Variants in USH2A observed in about 807,000 individuals in gnomAD.
USH2A encodes the protein Usher syndrome 2A (autosomal recessive, mild).
USH2A carries 443 observed loss-of-function variants against 538.9 expected under a neutral mutation model. The ratio of observed to expected loss-of-function variants is 0.82; its 90% CI spans 0.76 to 0.89. USH2A has a LOEUF of 0.89. USH2A is among the 40% of genes least tolerant of loss of function. USH2A has a pLI of 0.00. For missense variants in USH2A, 6,633 were observed against 6,324.8 expected (o/e 1.05, Z -1.65); for synonymous variants, 2,413 against 2,273.5 (o/e 1.06, Z -1.75).
At chr1:215,984,020 G>A (rs1022657770) in intron 35 of USH2A, among the ~76,000 whole-genome samples, 1 of 152,166 alleles carries the variant, frequency 6.6e-6, no homozygotes. Flanking sequence ...GGGAGAATGA[G>A]TTCTGAGACT....
intron 25 of USH2A, among the ~76,000 whole-genome samples, chr1:216,083,796 T>C (rs2032026554): frequency 6.6e-6 from 1 of 152,152 alleles, no homozygotes; most frequent in Non-Finnish European, 1.5e-5. Flanking sequence ...TATATTATAC[T>C]TTTTAACAGG....
intron 60 of USH2A, among the ~76,000 whole-genome samples, chr1:215,732,371 A>G (rs1660022019): frequency 6.6e-6 from 1 of 152,072 alleles, no homozygotes; most frequent in Admixed American, 6.6e-5. Flanking sequence ...GCTGATTCTC[A>G]AAAGGACTCA....
At chr1:215,743,358 AG>A in intron 58 of USH2A, 23 bp from the exon 59 acceptor site, 1 of 1,465,394 alleles carries the variant, frequency 6.8e-7, no homozygotes, top group Non-Finnish European at 9.3e-7. Flanking sequence ...AGAGAGAGAG[AG>A]AACATTAAAA....
chr1:216,066,811 T>A (rs757445393), intron 30 of USH2A, among the ~76,000 whole-genome samples: 8 of 152,136 alleles, frequency 5.3e-5, no homozygotes, highest in Non-Finnish European at 1.0e-4. Context: ...AATATCACTC[T>A]CCCATTTCAT....
intron 9 of USH2A, among the ~76,000 whole-genome samples, chr1:216,312,439 G>T (rs1224584284): frequency 2.0e-5 from 3 of 151,474 alleles, no homozygotes; most frequent in Non-Finnish European, 2.9e-5. Flanking sequence ...TTACATTTTT[G>T]GTAGCTGTCT....
chr1:216,331,941 T>C (rs1558041578), intron 4 of USH2A, among the ~76,000 whole-genome samples: 1 of 152,116 alleles, frequency 6.6e-6, no homozygotes, highest in African/African-American at 2.4e-5. Context: ...TTGAGAACTC[T>C]GGAAATAAAG....
rs564607288 is a variant in USH2A, at chr1:215,944,460, G to A, written c.7121-9665C>T. Among the ~76,000 whole-genome samples, 6 of 152,208 alleles carry A rather than the reference G, an allele frequency of 3.9e-5. No homozygotes were observed. In the East Asian group the frequency reaches 7.7e-4, roughly 20 times the overall value. ...TTTTTTAAAGAGTGGAACAAAGCACGTGGAAAGAATATTTTGTTGATATAG... is the reference window on the plus strand; with the variant it reads ...TTTTTTAAAGAGTGGAACAAAGCACATGGAAAGAATATTTTGTTGATATAG... On this transcript the variant is annotated intron_variant, in intron 37 of 71. Transcript: ENST00000307340.
intron 57 of USH2A, 121 bp from the exon 58 acceptor site, chr1:215,758,873 C>A: frequency 9.3e-7 from 1 of 1,071,820 alleles, no homozygotes. Flanking sequence ...AACTCTTTGC[C>A]CCCTTTCCAG....
At chr1:215,926,077 A>G (rs1366073569) in intron 38 of USH2A, among the ~76,000 whole-genome samples, 1 of 152,172 alleles carries the variant, frequency 6.6e-6, no homozygotes, top group Non-Finnish European at 1.5e-5. Flanking sequence ...TCTCAGTGCT[A>G]CAATGCATGA....
intron 11 of USH2A, among the ~76,000 whole-genome samples, chr1:216,272,558 G>A (rs1164634984): frequency 2.0e-5 from 3 of 151,586 alleles, no homozygotes; most frequent in East Asian, 1.9e-4. Context: ...CAGTCTTCTG[G>A]GTAAGAAAAC....
intron 21 of USH2A, among the ~76,000 whole-genome samples, chr1:216,121,382 A>C (rs2033136192): frequency 6.7e-6 from 1 of 149,812 alleles, no homozygotes; most frequent in African/African-American, 2.4e-5. Flanking sequence ...AAATAAAATC[A>C]CCTTGATTTA....
chr1:215,748,460 C>T (rs986827213), intron 58 of USH2A, among the ~76,000 whole-genome samples: 3 of 152,140 alleles, frequency 2.0e-5, no homozygotes, highest in African/African-American at 7.2e-5. Flanking sequence ...AATACAATGG[C>T]AAATTTACAT....
intron 20 of USH2A, among the ~76,000 whole-genome samples, chr1:216,188,438 C>T (rs1480431471): frequency 1.3e-5 from 2 of 151,616 alleles, no homozygotes; most frequent in African/African-American, 4.8e-5. Flanking sequence ...GACACTATTG[C>T]ATATGAGGTT....
chr1:215,833,666 C>G (rs1318255170), intron 47 of USH2A, among the ~76,000 whole-genome samples: 1 of 151,940 alleles, frequency 6.6e-6, no homozygotes, highest in East Asian at 1.9e-4. Flanking sequence ...ACCAGATGCA[C>G]AAACTGTCAA....
intron 43 of USH2A, among the ~76,000 whole-genome samples, chr1:215,871,198 C>T (rs1162397137): frequency 6.6e-6 from 1 of 152,100 alleles, no homozygotes; most frequent in East Asian, 1.9e-4. Context: ...AAATTGTAAA[C>T]TTTATTATGG....
chr1:216,069,651 T>A (rs1245957742), intron 30 of USH2A, among the ~76,000 whole-genome samples: 1 of 152,204 alleles, frequency 6.6e-6, no homozygotes, highest in Non-Finnish European at 1.5e-5. Flanking sequence ...GATTTGCCAG[T>A]CCAACTAACT....
chr1:216,036,327 G>A (rs930400566), intron 32 of USH2A, among the ~76,000 whole-genome samples: 5 of 151,690 alleles, frequency 3.3e-5, no homozygotes, highest in African/African-American at 1.2e-4. Flanking sequence ...AAGATTGAAC[G>A]ACTCTCAAGG....
At chr1:216,274,157 T>C (rs2036625849) in intron 11 of USH2A, among the ~76,000 whole-genome samples, 1 of 152,076 alleles carries the variant, frequency 6.6e-6, no homozygotes, top group Non-Finnish European at 1.5e-5. Context: ...TCAGTCTTAC[T>C]CTCTTTTTCT....
chr1:216,208,042 T>C (rs1468093685), intron 15 of USH2A, among the ~76,000 whole-genome samples: 1 of 152,202 alleles, frequency 6.6e-6, no homozygotes, highest in Non-Finnish European at 1.5e-5. Context: ...CAATTGCTTA[T>C]CAGGCACATA....
Sources: gnomAD v4.1 joint callset for allele counts (sites outside exome capture counted in the v4.1 genomes callset) on GRCh38, gnomAD v4.1.1 for gene constraint, MANE v1.5 for transcripts, NCBI Gene and HGNC (gene_info 2026-07-23, HGNC 2026-07-21) for gene names.